Variants in DMBT1 observed in about 807,000 individuals in gnomAD.
The protein encoded by DMBT1 is scavenger receptor cysteine-rich domain-containing protein DMBT1.
Under a neutral mutation model 252.9 loss-of-function variants are expected in DMBT1, and 198 were observed. The ratio of observed to expected loss-of-function variants is 0.78; its 90% CI spans 0.70 to 0.88. The LOEUF (loss-of-function observed/expected upper bound fraction) is 0.88. Among genes scored for constraint, DMBT1 ranks in the 40% least tolerant of loss-of-function variants. DMBT1 has a pLI of 0.00. For synonymous variants in DMBT1, 990 were observed against 942.7 expected (o/e 1.05, Z -0.92); for missense variants, 2,432 against 2,404.7 (o/e 1.01, Z -0.24).
intron 2 of DMBT1, among the ~76,000 whole-genome samples, chr10:122,569,795 T>C (rs1004728115): frequency 1.3e-5 from 2 of 152,236 alleles, no homozygotes; most frequent in African/African-American, 4.8e-5. Flanking sequence ...ATCAGGAGTA[T>C]ATCAGTGATG....
intron 17 of DMBT1, among the ~76,000 whole-genome samples, chr10:122,590,220 C>T (rs112540779): frequency 0.022 from 3,271 of 148,596 alleles, 36 homozygotes; most frequent in African/African-American, 0.075. Context: ...ACTGCAATTC[C>T]CTCCAGAGCA....
intron 51 of DMBT1, 22 bp downstream of exon 51, chr10:122,632,912 A>T (rs1453367008): frequency 6.2e-7 from 1 of 1,613,794 alleles, no homozygotes; most frequent in Non-Finnish European, 8.5e-7. Flanking sequence ...GCTCCCTGAC[A>T]AGTCTGTGGC....
intron 15 of DMBT1, 48 bp from the exon 16 acceptor site, chr10:122,586,012 T>C (rs372656188): frequency 5.0e-6 from 8 of 1,586,100 alleles, no homozygotes; most frequent in East Asian, 2.3e-5. Context: ...CCTTAGATTC[T>C]TGACCTCATG....
At chr10:122,563,357 C>T (rs2097564374) in intron 1 of DMBT1, among the ~76,000 whole-genome samples, 1 of 152,180 alleles carries the variant, frequency 6.6e-6, no homozygotes, top group African/African-American at 2.4e-5. Context: ...ACATTTTCCT[C>T]ATGTTTTATC....
chr10:122,561,189 A>G (rs3019491), intron 1 of DMBT1, among the ~76,000 whole-genome samples: 103,008 of 152,070 alleles, frequency 0.68, 35,235 homozygotes, highest in South Asian at 0.78. Flanking sequence ...TAAACACACA[A>G]TTTGTGTGCT....
intron 9 of DMBT1, among the ~76,000 whole-genome samples, chr10:122,579,139 A>G (rs2133551733): frequency 6.6e-6 from 1 of 152,130 alleles, no homozygotes; most frequent in South Asian, 2.1e-4. Context: ...GTGGTCAGAA[A>G]AGATCCTTAT....
At position 122,618,140 on chromosome 10, in the gene DMBT1, C is replaced by T. The variant is rs770087909; in HGVS notation, c.5015C>T (p.Ala1672Val). The change falls in exon 41 of 56, where the codon GCC becomes GTC. Residue 1672 changes from alanine to valine, a missense_variant. Around this residue, in one of 3 missense-constraint regions of DMBT1, gnomAD observed 1,162 missense variants for 1,169.0 expected, o/e 0.99. Transcript: ENST00000338354. ...VCDDYWDTND[A>V]NVVCRQLGCG... ...GATGACTACTGGGACACCAATGATG[C>T]CAACGTGGTCTGCAGGCAGCTGGGC... 1.2e-6 allele frequency: 2 copies of T among 1,613,928 alleles called. No individual in the cohort carries two copies. The highest frequency in any genetic ancestry group is 1.1e-5 in the South Asian group (1 of 91,072).
chr10:122,599,476 T>G (rs1490552920), intron 26 of DMBT1, among the ~76,000 whole-genome samples: 4 of 152,272 alleles, frequency 2.6e-5, no homozygotes, highest in Admixed American at 2.0e-4. Flanking sequence ...AACTCTGAAC[T>G]AAAGATGCTT....
Position 122,621,209 on chromosome 10 carries a change from G to A in DMBT1, c.5437G>A (p.Gly1813Ser). ...TGTGGTCTGCAGGCAGCTGGGCTGT[G>A]GCTGGGCCATGTCGGCCCCAGGAAA... Reference protein sequence around the residue: ...ANVVCRQLGCGWAMSAPGNAR... With the variant: ...ANVVCRQLGCSWAMSAPGNAR... The change falls in exon 44 of 56, where the codon GGC (glycine) becomes AGC (serine). Residue 1813 changes from glycine to serine, a missense_variant. By Grantham distance (56) the Gly-to-Ser change is moderately conservative (BLOSUM62 0). This residue lies in a region of DMBT1 where 1,162 missense variants were observed against 1,169.0 expected (regional missense o/e 0.99). Transcript: ENST00000338354. 7 of 1,613,922 alleles carry A rather than the reference G, an allele frequency of 4.3e-6. No homozygotes were observed. The highest frequency in any genetic ancestry group is 1.1e-5 in the South Asian group (1 of 91,080).
chr10:122,631,274 C>T lies in DMBT1; in HGVS notation c.6339C>T (p.Ile2113=). 2 of 1,613,922 alleles carry T rather than the reference C, an allele frequency of 1.2e-6. No homozygotes were observed. The highest frequency in any genetic ancestry group is 1.7e-6 in the Non-Finnish European group (2 of 1,179,810). ...NCNHREDAGV[I]CSGNHLSTPA... ...ATCATCGTGAAGATGCTGGTGTCAT[C>T]TGCTCAGGTATGGCCCAATGCCATG... is the stretch of plus-strand genomic sequence containing the variant. Residue 2113 remains isoleucine, a synonymous_variant, in exon 49 of 56, where the codon ATC becomes ATT. Coordinates refer to ENST00000338354, the MANE Select transcript of DMBT1 (RefSeq NM_001377530.1).
chr10:122,630,013 C>T lies in DMBT1; in HGVS notation c.5822+20C>T. ...TCTGAAGTAAGTAATGCCTGGTCAT[C>T]TGGTGAGGGGTGAGTTCCTCTGCAG... On this transcript the variant is annotated intron_variant, in intron 47 of 55. Transcript: ENST00000338354. 6.2e-7 allele frequency: 1 copy of T among 1,613,576 alleles called. No homozygotes were observed. The highest frequency in any genetic ancestry group is 8.5e-7 in the Non-Finnish European group (1 of 1,179,694).
intron 46 of DMBT1, among the ~76,000 whole-genome samples, chr10:122,626,942 T>A (rs2098123070): frequency 6.6e-6 from 1 of 151,364 alleles, no homozygotes; most frequent in Non-Finnish European, 1.5e-5. Flanking sequence ...GGCCCTAGGG[T>A]GGGAAGGAGC....
chr10:122,592,377 G>A lies in DMBT1; in HGVS notation c.2282G>A (p.Ser761Asn), dbSNP rs756155502. 5 of 1,588,636 alleles carry A rather than the reference G, an allele frequency of 3.1e-6. 1 individual carries two copies. Among genetic ancestry groups the A allele is most frequent in the East Asian group, 4.7e-5 (2 of 42,726 alleles). Residue 761 changes from serine (S) to asparagine (N), a missense_variant, in exon 20 of 56, where the codon AGC becomes AAC. By Grantham distance (46) the Ser-to-Asn change is conservative. Transcript: ENST00000338354. The part of the protein sequence containing the change: ...RGSWGTVCDD[S>N]WDTNDANVVC... Reference sequence around the variant, plus strand: ...TCCTGGGGCACCGTGTGTGATGACAGCTGGGATACCAATGATGCCAATGTG... The same window carrying A: ...TCCTGGGGCACCGTGTGTGATGACAACTGGGATACCAATGATGCCAATGTG...
At chr10:122,632,821 T>A (rs2098176905) in intron 50 of DMBT1, 40 bp from the exon 51 acceptor site, 2 of 1,609,986 alleles carry the variant, frequency 1.2e-6, no homozygotes, top group Non-Finnish European at 1.7e-6. Context: ...GTGTCAGGGA[T>A]GCCAGAAAAC....
chr10:122,621,906 A>G (rs534752504), intron 44 of DMBT1, among the ~76,000 whole-genome samples: 102 of 152,242 alleles, frequency 6.7e-4, no homozygotes, highest in Non-Finnish European at 1.3e-3. Flanking sequence ...GCTCCTTCCA[A>G]AGAACTGCAG....
Position 122,579,695 on chromosome 10 carries a change from A to G in DMBT1, c.797A>G (p.Asn266Ser), listed in dbSNP as rs201383900. The G allele has an allele frequency of 5.1e-5, 82 of 1,613,764 alleles. No individual in the cohort carries two copies. In the Admixed American group the frequency reaches 7.7e-4, roughly 15 times the overall value. Residue 266 changes from asparagine (N) to serine (S), a missense_variant, in exon 10 of 56, where the codon AAT becomes AGT. Physicochemically the swap from Asn to Ser is conservative, Grantham distance 46. This residue lies in a region of DMBT1 where 1,264 missense variants were observed against 1,082.2 expected (regional missense o/e 1.17). Coordinates refer to ENST00000338354, the MANE Select transcript of DMBT1 (RefSeq NM_001377530.1). Reference protein sequence around the residue: ...GTVCDDYWDTNDANVVCRQLG... With the variant: ...GTVCDDYWDTSDANVVCRQLG... ...GTGTGTGATGACTACTGGGACACCAATGATGCCAATGTGGTCTGCAGGCAG... is the reference window on the plus strand; with the variant it reads ...GTGTGTGATGACTACTGGGACACCAGTGATGCCAATGTGGTCTGCAGGCAG...
At chr10:122,623,970 G>C (rs112534055) in intron 44 of DMBT1, among the ~76,000 whole-genome samples, 1 of 152,226 alleles carries the variant, frequency 6.6e-6, no homozygotes, top group Non-Finnish European at 1.5e-5. Context: ...TGTAGCTCAT[G>C]GTATTCAGTA....
At position 122,640,467 on chromosome 10, in the gene DMBT1, G is replaced by C; in HGVS notation, c.7352+18G>C. ...CGGAGTGGGTAAGGAGTGTCTTTAT[G>C]CGATGGCCTTAAACCTTTACTTGAT... On this transcript the variant is annotated intron_variant, in intron 55 of 55. Coordinates refer to ENST00000338354, the MANE Select transcript of DMBT1 (RefSeq NM_001377530.1). 1 of 1,601,176 alleles carries C rather than the reference G, an allele frequency of 6.2e-7. No individual in the cohort carries two copies. The highest frequency in any genetic ancestry group is 1.1e-5 in the South Asian group (1 of 89,738).
intron 2 of DMBT1, among the ~76,000 whole-genome samples, chr10:122,568,077 G>A (rs2097616717): frequency 6.6e-6 from 1 of 152,178 alleles, no homozygotes; most frequent in East Asian, 1.9e-4. Context: ...GGTTCAAGGG[G>A]ATGAAGGCTT....
Sources: allele counts gnomAD v4.1 joint callset (sites outside exome capture counted in the v4.1 genomes callset), GRCh38; gene constraint gnomAD v4.1.1; regional missense constraint gnomAD v4.1.1; transcripts MANE v1.5; gene names NCBI Gene and HGNC (gene_info 2026-07-23, HGNC 2026-07-21).